LGI1: variants seen among roughly 807,000 people sequenced by gnomAD.
LGI1 encodes leucine rich glioma inactivated 1, also known as leucine-rich glioma-inactivated protein 1.
In LGI1, 11 loss-of-function variants were observed where a neutral mutation model predicts 57.7. The observed-to-expected ratio is 0.19, with a 90% CI of 0.12 to 0.32. The LOEUF is 0.32. LGI1 is among the 10% of genes least tolerant of loss of function. LGI1 has a pLI of 1.00. For missense variants in LGI1, 422 were observed against 661.9 expected (o/e 0.64, Z 3.98); for synonymous variants, 222 against 241.9 (o/e 0.92, Z 0.76).
At chr10:93,776,519 AGT>A (rs2059796106) in intron 2 of LGI1, among the ~76,000 whole-genome samples, 1 of 152,214 alleles carries the variant, frequency 6.6e-6, no homozygotes, top group Admixed American at 6.5e-5. Flanking sequence ...TCACTAAGCT[AGT>A]TAGTGGTACT....
chr10:93,778,375 A>AGG (rs1261963469), intron 4 of LGI1, among the ~76,000 whole-genome samples: 1 of 146,726 alleles, frequency 6.8e-6, no homozygotes, highest in East Asian at 2.1e-4. Flanking sequence ...ACACACACAC[A>AGG]CACACACAGG....
chr10:93,778,615 A>G (rs981932389), intron 4 of LGI1, among the ~76,000 whole-genome samples: 5 of 152,236 alleles, frequency 3.3e-5, no homozygotes, highest in Admixed American at 3.3e-4. Flanking sequence ...CGGAATTATG[A>G]GAACATCTAC....
At chr10:93,781,220 G>A (rs910515764) in intron 4 of LGI1, among the ~76,000 whole-genome samples, 11 of 152,000 alleles carry the variant, frequency 7.2e-5, no homozygotes, top group South Asian at 2.1e-4. Flanking sequence ...TTAGCCGGGC[G>A]TGGTGGTGGG....
At position 93,796,793 on chromosome 10, in the gene LGI1, C is replaced by T. The variant is rs867320123; in HGVS notation, c.839-175C>T. On this transcript the variant is annotated intron_variant, in intron 7 of 7. Coordinates refer to ENST00000371418, the MANE Select transcript of LGI1 (RefSeq NM_005097.4). Reference sequence around the variant, plus strand: ...CAAGGCCCCACGAGGCACAAAGGCACGGAACTTTAGGACACTGCTGCCATT... The same window carrying T: ...CAAGGCCCCACGAGGCACAAAGGCATGGAACTTTAGGACACTGCTGCCATT... Among the ~76,000 whole-genome samples, 24 of 152,298 alleles carry T rather than the reference C, an allele frequency of 1.6e-4. 1 individual carries two copies. The highest frequency in any genetic ancestry group is 3.4e-3 in the Middle Eastern group (1 of 294).
intron 2 of LGI1, chr10:93,772,641 A>AT (rs1175680526): frequency 6.6e-6 from 1 of 152,202 alleles, no homozygotes; most frequent in African/African-American, 2.4e-5. Context: ...ATATGTGTAT[A>AT]TATCATATAT....
chr10:93,792,981 G>A, intron 6 of LGI1, 69 bp downstream of exon 6: 3 of 1,478,760 alleles, frequency 2.0e-6, no homozygotes, highest in South Asian at 2.3e-5. Flanking sequence ...TCATGTGCAG[G>A]AACTGATATT....
At chr10:93,784,063 GT>G (rs1398692908) in intron 4 of LGI1, among the ~76,000 whole-genome samples, 1 of 152,148 alleles carries the variant, frequency 6.6e-6, no homozygotes, top group Admixed American at 6.5e-5. Context: ...GGCTTACTTT[GT>G]GCCAGGCACT....
At chr10:93,759,073 T>A in intron 2 of LGI1, 1 of 530,442 alleles carries the variant, frequency 1.9e-6, no homozygotes, top group Non-Finnish European at 3.4e-6. Context: ...TTTATGAAGT[T>A]GTTGGAATCT....
chr10:93,779,602 GA>G (rs1190462441), intron 4 of LGI1, among the ~76,000 whole-genome samples: 2 of 152,142 alleles, frequency 1.3e-5, no homozygotes, highest in Non-Finnish European at 2.9e-5. Flanking sequence ...CCTAGTGTAG[GA>G]CACCCATTTT....
Position 93,798,092 on chromosome 10 carries a change from C to A in LGI1, c.*289C>A. 2.4e-6 allele frequency: 1 copy of A among 423,388 alleles called. No individual in the cohort carries two copies. Among genetic ancestry groups the A allele is most frequent in the Non-Finnish European group, 4.3e-6 (1 of 234,068 alleles). The allele number at this position is 423,388 out of a possible 1,614,324, so 26.2% of individuals were successfully genotyped here. On this transcript the variant is annotated 3_prime_UTR_variant, in exon 8 of 8. Coordinates refer to ENST00000371418, the MANE Select transcript of LGI1 (RefSeq NM_005097.4). ...CTCCAAAAAGAAATATTAATATGTA[C>A]TTTTCCATTTATTTATTCATGTGTA...
Position 93,792,726 on chromosome 10 carries a change from T to C in LGI1, c.504-17T>C. On this transcript the variant is annotated splice_polypyrimidine_tract_variant and intron_variant, in intron 5 of 7. Coordinates refer to ENST00000371418, the MANE Select transcript of LGI1 (RefSeq NM_005097.4). ...AGGGCCCTTGTACAGCAAAAGCAGC[T>C]GAAGTTTGTCTTTCAGGGACCTGAG... 1 of 1,613,724 alleles carries C rather than the reference T, an allele frequency of 6.2e-7. No homozygotes were observed. The highest frequency in any genetic ancestry group is 8.5e-7 in the Non-Finnish European group (1 of 1,179,658).
chr10:93,758,631 G>A lies in LGI1; in HGVS notation c.216-129G>A, dbSNP rs192490732. On this transcript the variant is annotated intron_variant, in intron 1 of 7. Transcript: ENST00000371418. This position sits in a 1 kb window ranked among gnomAD's most constrained non-coding sequence, Gnocchi z 4.7. ...ACTTCATCTGGGAAGGAATAGTATC[G>A]TACTTCATAAAATAGTGTCAAAATA... is the stretch of plus-strand genomic sequence containing the variant. 113 of 739,980 alleles carry A rather than the reference G, an allele frequency of 1.5e-4. No homozygotes were observed. Among genetic ancestry groups the A allele is most frequent in the Admixed American group, 1.2e-3 (57 of 47,560 alleles). 45.8% of individuals were successfully genotyped at this position (739,980 alleles called of 1,614,324 possible).
At chr10:93,776,105 G>A (rs1032758395) in intron 2 of LGI1, 11 of 152,114 alleles carry the variant, frequency 7.2e-5, no homozygotes, top group African/African-American at 2.4e-4. Flanking sequence ...CATTAGTACT[G>A]GCTTTTCAGA....
intron 7 of LGI1, among the ~76,000 whole-genome samples, chr10:93,795,888 A>C (rs1294131183): frequency 6.6e-6 from 1 of 152,274 alleles, no homozygotes; most frequent in East Asian, 1.9e-4. Flanking sequence ...AGAGTCAGAA[A>C]TAAAACTATT....
At position 93,797,235 on chromosome 10, in the gene LGI1, C is replaced by T. The variant is rs150357603; in HGVS notation, c.1106C>T (p.Ser369Phe). 1.2e-4 allele frequency: 190 copies of T among 1,614,036 alleles called. No homozygotes were observed. The highest frequency in any genetic ancestry group is 1.3e-4 in the Non-Finnish European group (156 of 1,180,034). Residue 369 changes from serine (S) to phenylalanine (F), a missense_variant, in exon 8 of 8, where the codon TCC becomes TTC. Around this residue, in one of 3 missense-constraint regions of LGI1, gnomAD observed 301 missense variants for 461.7 expected, o/e 0.65. Coordinates refer to ENST00000371418, the MANE Select transcript of LGI1 (RefSeq NM_005097.4). The surrounding 1 kb of genome is among the most constrained non-coding windows in gnomAD (Gnocchi z 6.5). ...IYKWNGNGFY[S>F]HQSLHAWYRD... ...AAATGGAACGGAAACGGATTCTACT[C>T]CCATCAATCCTTACACGCGTGGTAC...
At chr10:93,793,862 A>T (rs1235804985) in intron 7 of LGI1, 1 of 156,222 alleles carries the variant, frequency 6.4e-6, no homozygotes, top group Non-Finnish European at 1.4e-5. Context: ...TTGTGGTCCA[A>T]TAAATTCATG....
intron 2 of LGI1, chr10:93,772,962 C>G (rs907332877): frequency 1.3e-5 from 2 of 151,844 alleles, no homozygotes; most frequent in Non-Finnish European, 2.9e-5. Context: ...CTCCCGTGGT[C>G]CCAGCTACTT....
chr10:93,793,535 T>C (rs1341215570), intron 7 of LGI1, among the ~76,000 whole-genome samples, 185 bp downstream of exon 7: 1 of 152,234 alleles, frequency 6.6e-6, no homozygotes, highest in Admixed American at 6.5e-5. Context: ...ATAATATTAA[T>C]ACTTAACTCA....
In LGI1 at chr10:93,758,452, G is replaced by A. The variant is rs2059588015; in HGVS notation, c.215+93G>A. ...TTGCATGTATTTGTAGAAGGGCATG[G>A]AGAGAGAGATTCCTCTTGCATGCTT... is the stretch of plus-strand genomic sequence containing the variant. On this transcript the variant is annotated intron_variant, in intron 1 of 7. Transcript: ENST00000371418. The surrounding 1 kb of genome is among the most constrained non-coding windows in gnomAD (Gnocchi z 4.7). The A allele has an allele frequency of 8.3e-7, 1 of 1,210,408 alleles. No homozygotes were observed. The highest frequency in any genetic ancestry group is 1.7e-5 in the Admixed American group (1 of 59,148). 75.0% of individuals were successfully genotyped at this position (1,210,408 alleles called of 1,614,324 possible). A position where few individuals can be genotyped will look rare whatever the true frequency, so the allele number is the denominator to read the frequency against.
Sources: gnomAD v4.1 joint callset for allele counts (sites outside exome capture counted in the v4.1 genomes callset) on GRCh38, gnomAD v4.1.1 for gene constraint, gnomAD v4.1.1 regional missense constraint, Gnocchi (gnomAD v3.1) non-coding constraint, MANE v1.5 for transcripts, NCBI Gene and HGNC (gene_info 2026-07-23, HGNC 2026-07-21) for gene names.